EIF4G3: variants seen among roughly 807,000 people sequenced by gnomAD.
EIF4G3 encodes the protein eukaryotic translation initiation factor 4 gamma 3.
Under a neutral mutation model 186.4 loss-of-function variants are expected in EIF4G3, and 34 were observed. That is an observed-to-expected ratio of 0.18 (90% CI 0.14 to 0.24). The LOEUF (loss-of-function observed/expected upper bound fraction) is 0.24. EIF4G3 is among the 10% of genes least tolerant of loss of function. The pLI is 1.00. For missense variants in EIF4G3, 1,536 were observed against 1,948.5 expected (o/e 0.79, Z 3.99); for synonymous variants, 673 against 679.5 (o/e 0.99, Z 0.15).
chr1:21,106,259 AT>A (rs1491197103), intron 2 of EIF4G3, among the ~76,000 whole-genome samples: 1 of 152,124 alleles, frequency 6.6e-6, no homozygotes, highest in African/African-American at 2.4e-5. Context: ...AAGACCATTC[AT>A]TTTTTATAAA....
chr1:21,007,246 A>C (rs2085353537), intron 4 of EIF4G3, among the ~76,000 whole-genome samples: 2 of 151,966 alleles, frequency 1.3e-5, no homozygotes, highest in Non-Finnish European at 2.9e-5. Flanking sequence ...AAAAATACAA[A>C]AATTAGATGG....
At chr1:21,118,674 T>C (rs2096871552) in intron 2 of EIF4G3, among the ~76,000 whole-genome samples, 1 of 151,082 alleles carries the variant, frequency 6.6e-6, no homozygotes, top group Non-Finnish European at 1.5e-5. Flanking sequence ...TAATCCCAGC[T>C]ACTTGGGAGG....
intron 3 of EIF4G3, among the ~76,000 whole-genome samples, chr1:21,061,816 C>T (rs1408366439): frequency 6.0e-5 from 9 of 149,710 alleles, no homozygotes; most frequent in African/African-American, 2.0e-4. Context: ...GGCGCGATCT[C>T]GGCTCACTGT....
intron 10 of EIF4G3, among the ~76,000 whole-genome samples, chr1:20,975,638 TATA>T (rs1168629909): frequency 6.7e-6 from 1 of 149,348 alleles, no homozygotes; most frequent in Admixed American, 6.7e-5. Context: ...ATTATAAATA[TATA>T]ATATTTATAA....
chr1:21,166,560 T>C (rs1381273858), intron 2 of EIF4G3, among the ~76,000 whole-genome samples: 1 of 151,970 alleles, frequency 6.6e-6, no homozygotes, highest in Non-Finnish European at 1.5e-5. Flanking sequence ...ACCCCATCTC[T>C]ACTAAAAATA....
intron 14 of EIF4G3, among the ~76,000 whole-genome samples, chr1:20,933,188 A>G (rs906642952): frequency 1.1e-4 from 16 of 152,306 alleles, no homozygotes; most frequent in Non-Finnish European, 1.9e-4. Context: ...GAGGAGTGAC[A>G]AAGCTAGATC....
In EIF4G3 at chr1:20,903,078, T is replaced by C. The variant is rs543135454; in HGVS notation, c.1752+1805A>G. The stretch of plus-strand genomic sequence containing the variant: ...GGGCCAATTCTGGCTCACCGCCTGC[T>C]TTTGCACAGCATACAAGGTAAGGAT... On this transcript the variant is annotated intron_variant, in intron 15 of 36. Transcript: ENST00000602326. 1.2e-3 allele frequency among the ~76,000 whole-genome samples: 185 copies of C among 152,400 alleles called. 1 individual carries two copies. The highest frequency in any genetic ancestry group is 4.2e-3 in the African/African-American group (175 of 41,600).
intron 20 of EIF4G3, 74 bp downstream of exon 20, chr1:20,879,249 C>T: frequency 8.3e-7 from 1 of 1,200,430 alleles, no homozygotes; most frequent in Non-Finnish European, 1.1e-6. Context: ...AATAACACTT[C>T]TGGGAAGAAT....
Position 20,864,690 on chromosome 1 carries a change from T to C in EIF4G3, c.2792A>G (p.His931Arg), listed in dbSNP as rs570848878. ...GTCCTTGGCTTCTTCCAGTTCATCA[T>C]GAAGCCTTGTCCTCTCCTCTGGCTG... Reference protein sequence around the residue: ...ASAPEERTRLHDELEEAKDKA... With the variant: ...ASAPEERTRLRDELEEAKDKA... Residue 931 changes from histidine to arginine, a missense_variant, in exon 22 of 37, where the codon CAT becomes CGT. His to Arg is a conservative substitution (Grantham distance 29, BLOSUM62 0). This residue lies in a region of EIF4G3 where 77 missense variants were observed against 131.6 expected (regional missense o/e 0.59). Coordinates refer to ENST00000602326, the MANE Select transcript of EIF4G3 (RefSeq NM_001391906.1). 3.1e-6 allele frequency: 5 copies of C among 1,614,156 alleles called. No homozygotes were observed. The South Asian group carries it at 4.4e-5, about 14-fold the overall frequency.
At chr1:21,053,141 T>C (rs1254606436) in intron 3 of EIF4G3, among the ~76,000 whole-genome samples, 105 of 125,286 alleles carry the variant, frequency 8.4e-4, no homozygotes, top group East Asian at 1.8e-3. Flanking sequence ...GTGAGGAGCG[T>C]CTCTGCCAGG....
intron 4 of EIF4G3, among the ~76,000 whole-genome samples, chr1:21,017,533 C>A (rs999947061): frequency 2.8e-5 from 4 of 144,042 alleles, no homozygotes; most frequent in African/African-American, 2.6e-5. Context: ...GAGGCTGAGG[C>A]AGGAGAATGG....
intron 36 of EIF4G3, among the ~76,000 whole-genome samples, chr1:20,809,765 T>TA (rs944998810): frequency 2.6e-5 from 4 of 152,196 alleles, no homozygotes; most frequent in Non-Finnish European, 5.9e-5. Context: ...TATTTAAATT[T>TA]AAAGTCAATA....
chr1:21,026,749 A>T (rs2092150627), intron 4 of EIF4G3, among the ~76,000 whole-genome samples: 2 of 152,096 alleles, frequency 1.3e-5, no homozygotes, highest in South Asian at 4.1e-4. Context: ...CAGGAGTTCG[A>T]GACCAACCTG....
intron 12 of EIF4G3, among the ~76,000 whole-genome samples, chr1:20,957,983 G>T (rs1326906117): frequency 6.6e-6 from 1 of 152,050 alleles, no homozygotes; most frequent in Non-Finnish European, 1.5e-5. Context: ...AAGAAGAACT[G>T]GTACCAATCC....
chr1:20,969,692 T>A, intron 11 of EIF4G3, 96 bp from the exon 12 acceptor site: 1 of 1,175,418 alleles, frequency 8.5e-7, no homozygotes. Flanking sequence ...CTGGGAAACC[T>A]GTCAAATATC....
chr1:21,176,885 C>T lies in EIF4G3; in HGVS notation c.-619G>A, dbSNP rs1477206184. ...GGCGCTGTGGCCGCCTCCAGCAGTCCGGCAGGACGGCTGCTCGGAAAACTT... is the reference window on the plus strand; with the variant it reads ...GGCGCTGTGGCCGCCTCCAGCAGTCTGGCAGGACGGCTGCTCGGAAAACTT... On this transcript the variant is annotated 5_prime_UTR_variant, in exon 1 of 37. Coordinates refer to ENST00000602326, the MANE Select transcript of EIF4G3 (RefSeq NM_001391906.1). The T allele has an allele frequency of 1.4e-6, 1 of 691,860 alleles. No homozygotes were observed. Among genetic ancestry groups the T allele is most frequent in the Admixed American group, 2.1e-5 (1 of 48,464 alleles). 42.9% of individuals were successfully genotyped at this position (691,860 alleles called of 1,614,324 possible). A position where few individuals can be genotyped will look rare whatever the true frequency, so the allele number is the denominator to read the frequency against.
At chr1:21,173,224 T>C (rs925648227) in intron 2 of EIF4G3, among the ~76,000 whole-genome samples, 2 of 143,978 alleles carry the variant, frequency 1.4e-5, no homozygotes, top group African/African-American at 2.6e-5. Flanking sequence ...TGAGGTGGAG[T>C]CTCACTCTGT....
chr1:20,906,223 G>T (rs887583360), intron 14 of EIF4G3, among the ~76,000 whole-genome samples: 1 of 151,988 alleles, frequency 6.6e-6, no homozygotes, highest in Admixed American at 6.6e-5. Flanking sequence ...GGAAACCATG[G>T]GTGGGTTTAA....
chr1:20,966,319 A>G (rs924654198), intron 12 of EIF4G3, among the ~76,000 whole-genome samples: 2 of 152,184 alleles, frequency 1.3e-5, no homozygotes, highest in Admixed American at 1.3e-4. Context: ...TTGATGTCAA[A>G]ATTGAAAACT....
Sources: gnomAD v4.1 joint callset for allele counts (sites outside exome capture counted in the v4.1 genomes callset) on GRCh38, gnomAD v4.1.1 for gene constraint, gnomAD v4.1.1 regional missense constraint, MANE v1.5 for transcripts, NCBI Gene and HGNC (gene_info 2026-07-23, HGNC 2026-07-21) for gene names.